Variants in ZNF385D observed in about 807,000 individuals in gnomAD.
ZNF385D encodes zinc finger protein 385D.
In ZNF385D, 15 loss-of-function variants were observed where a neutral mutation model predicts 35.8. That is an observed-to-expected ratio of 0.42 (90% CI 0.28 to 0.64). The LOEUF is 0.64. Ranked by LOEUF, ZNF385D falls within the 30% of genes least tolerant of loss-of-function variation. The pLI is 0.23. For synonymous variants in ZNF385D, 212 were observed against 186.8 expected, an observed-to-expected ratio of 1.13 and a Z score of -1.10; for missense variants, 474 against 494.6, an observed-to-expected ratio of 0.96 and a Z score of 0.39.
At chr3:22,122,856 G>C (rs1424462421) in intron 3 of ZNF385D, among the ~76,000 whole-genome samples, 1 of 152,160 alleles carries the variant, frequency 6.6e-6, no homozygotes, top group South Asian at 2.1e-4. Flanking sequence ...TAGAAATCAA[G>C]CTTCCTTTGC....
intron 2 of ZNF385D, among the ~76,000 whole-genome samples, chr3:22,190,535 T>C (rs1285036985): frequency 6.6e-6 from 1 of 152,128 alleles, no homozygotes; most frequent in African/African-American, 2.4e-5. Context: ...AGCCACAAGT[T>C]CATAAAGTAA....
intron 2 of ZNF385D, among the ~76,000 whole-genome samples, chr3:22,240,752 C>T (rs1336987086): frequency 6.6e-6 from 1 of 150,922 alleles, no homozygotes; most frequent in Non-Finnish European, 1.5e-5. Flanking sequence ...TGTAATTGTA[C>T]TTGTATATGT....
intron 4 of ZNF385D, among the ~76,000 whole-genome samples, chr3:21,471,646 G>A (rs1306632837): frequency 6.6e-6 from 1 of 152,018 alleles, no homozygotes; most frequent in African/African-American, 2.4e-5. Context: ...CTCACCCCTC[G>A]AGTTAAACAT....
chr3:22,030,701 G>A (rs1301779261), intron 3 of ZNF385D, among the ~76,000 whole-genome samples: 1 of 151,954 alleles, frequency 6.6e-6, no homozygotes, highest in African/African-American at 2.4e-5. Context: ...TTCTGCCCTG[G>A]CCCCTCCTAA....
chr3:22,059,404 T>C (rs1169132309), intron 3 of ZNF385D, among the ~76,000 whole-genome samples: 1 of 152,186 alleles, frequency 6.6e-6, no homozygotes, highest in African/African-American at 2.4e-5. Context: ...ATTGGGGTCA[T>C]TCACTTTCTT....
At chr3:22,046,835 T>A (rs1056901220) in intron 3 of ZNF385D, among the ~76,000 whole-genome samples, 1 of 152,158 alleles carries the variant, frequency 6.6e-6, no homozygotes, top group Non-Finnish European at 1.5e-5. Flanking sequence ...TTATTTTATA[T>A]TTGTAAAGTA....
intron 3 of ZNF385D, among the ~76,000 whole-genome samples, chr3:22,025,138 C>G (rs972378097): frequency 3.9e-5 from 6 of 152,088 alleles, no homozygotes; most frequent in Non-Finnish European, 7.4e-5. Context: ...CTGATGAACA[C>G]TTTTTGCCAG....
chr3:22,372,539 C>CGCCCTG lies in ZNF385D; in HGVS notation c.11_16dup (p.Pro4_Gly5dup), dbSNP rs1003359337. The CGCCCTG allele has an allele frequency of 1.8e-5, 18 of 985,748 alleles. No homozygotes were observed. In the Admixed American group the frequency reaches 1.0e-3, roughly 57 times the overall value. The allele number at this position is 985,748 out of a possible 1,614,324, so 61.1% of individuals were successfully genotyped here. On this transcript the variant is annotated inframe_insertion, in exon 2 of 6. Coordinates refer to the ZNF385D transcript ENST00000494108. Reference sequence around the variant, plus strand: ...CATTCTCCTGCTGGCGGCCGCCCGGCGCCCTGGCCCTGGCATCCGGGAGGA... The same window carrying CGCCCTG: ...CATTCTCCTGCTGGCGGCCGCCCGGCGCCCTGGCCCTGGCCCTGGCATCCGGGAGGA...
intron 3 of ZNF385D, among the ~76,000 whole-genome samples, chr3:22,084,691 T>A (rs1408630324): frequency 6.6e-6 from 1 of 151,960 alleles, no homozygotes; most frequent in Non-Finnish European, 1.5e-5. Context: ...GTTAAGGATA[T>A]CCAGCACTTG....
chr3:22,316,183 C>G (rs911126544), intron 2 of ZNF385D, among the ~76,000 whole-genome samples: 5 of 152,162 alleles, frequency 3.3e-5, no homozygotes, highest in African/African-American at 9.7e-5. Context: ...GTGATTTCAT[C>G]CCAAAGCAAT....
At chr3:21,886,941 C>T (rs548017255) in intron 3 of ZNF385D, among the ~76,000 whole-genome samples, 1 of 152,228 alleles carries the variant, frequency 6.6e-6, no homozygotes, top group East Asian at 1.9e-4. Flanking sequence ...ATGACTAGAA[C>T]GTCTGCCACT....
At chr3:22,137,330 C>G (rs1346357536) in intron 3 of ZNF385D, among the ~76,000 whole-genome samples, 1 of 152,130 alleles carries the variant, frequency 6.6e-6, no homozygotes, top group Non-Finnish European at 1.5e-5. Context: ...ACGAGGCCAG[C>G]ATCATCCTGA....
At chr3:22,270,715 A>G (rs1446709409) in intron 2 of ZNF385D, among the ~76,000 whole-genome samples, 1 of 151,974 alleles carries the variant, frequency 6.6e-6, no homozygotes, top group Non-Finnish European at 1.5e-5. Context: ...GCTTTTTTTT[A>G]CTGATAGAGT....
At chr3:22,201,747 G>T in intron 2 of ZNF385D, among the ~76,000 whole-genome samples, 1 of 151,858 alleles carries the variant, frequency 6.6e-6, no homozygotes, top group Middle Eastern at 3.4e-3. Context: ...ATGCAGGAAG[G>T]CATGGTAAGT....
chr3:21,914,899 A>C (rs1363766234), intron 3 of ZNF385D, among the ~76,000 whole-genome samples: 3 of 151,936 alleles, frequency 2.0e-5, no homozygotes, highest in Non-Finnish European at 4.4e-5. Context: ...AGATTTGGAC[A>C]CTAAAAAAAT....
chr3:22,112,389 C>T (rs1206739690), intron 3 of ZNF385D, among the ~76,000 whole-genome samples: 2 of 151,988 alleles, frequency 1.3e-5, no homozygotes, highest in Non-Finnish European at 1.5e-5. Flanking sequence ...GGAAATAATG[C>T]ACAAAAATAT....
At chr3:21,876,713 A>G (rs987499217) in intron 3 of ZNF385D, among the ~76,000 whole-genome samples, 1 of 151,832 alleles carries the variant, frequency 6.6e-6, no homozygotes, top group Admixed American at 6.6e-5. Flanking sequence ...TTTTTTACCA[A>G]TTAAAGTTAT....
chr3:21,714,601 T>G (rs2068240450), intron 1 of ZNF385D, among the ~76,000 whole-genome samples: 1 of 152,238 alleles, frequency 6.6e-6, no homozygotes, highest in Non-Finnish European at 1.5e-5. Context: ...CTTTCTCGTT[T>G]GCATCATAAG....
intron 3 of ZNF385D, among the ~76,000 whole-genome samples, chr3:21,773,914 A>T (rs980863504): frequency 6.6e-6 from 1 of 152,058 alleles, no homozygotes; most frequent in African/African-American, 2.4e-5. Flanking sequence ...CAATCACATT[A>T]CTGGGTGTAC....
Sources: allele counts gnomAD v4.1 joint callset (sites outside exome capture counted in the v4.1 genomes callset), GRCh38; gene constraint gnomAD v4.1.1; transcripts MANE v1.5; gene names NCBI Gene and HGNC (gene_info 2026-07-23, HGNC 2026-07-21).